ZNF507: variants seen among roughly 807,000 people sequenced by gnomAD.
ZNF507 encodes zinc finger protein 507.
In ZNF507, 29 loss-of-function variants were observed where a neutral mutation model predicts 80.0. The observed-to-expected ratio is 0.36, with a 90% confidence interval of 0.27 to 0.49. The LOEUF (loss-of-function observed/expected upper bound fraction) is 0.49. Ranked by LOEUF, ZNF507 falls within the 20% of genes least tolerant of loss-of-function variation. The pLI is 0.98. For synonymous variants in ZNF507, 462 were observed against 422.5 expected (o/e 1.09, Z -1.15); for missense variants, 1,081 against 1,152.2 (o/e 0.94, Z 0.90).
At chr19:32,358,021 T>C (rs1458627829) in intron 4 of ZNF507, 1 of 152,242 alleles carries the variant, frequency 6.6e-6, no homozygotes, top group African/African-American at 2.4e-5. Context: ...CTTCAGACTT[T>C]ACAGTATTAA....
rs145330706 is a variant in ZNF507 at position 32,378,194 on chromosome 19, A to G, written c.2361-4273A>G. Among the ~76,000 whole-genome samples, 1,343 of 152,090 alleles carry G rather than the reference A, an allele frequency of 8.8e-3. 47 individuals are homozygous for G. In the East Asian group the frequency reaches 0.09, roughly 10 times the overall value. On this transcript the variant is annotated intron_variant, in intron 5 of 6. Transcript: ENST00000355898. ...ATGACGAAACCCCATCTCTACTAAA[A>G]ATGCAAAAATTAGCCAGGCGTGGTG...
chr19:32,347,061 A>G (rs555139773), intron 1 of ZNF507, among the ~76,000 whole-genome samples, 184 bp from the exon 2 acceptor site: 2 of 152,328 alleles, frequency 1.3e-5, no homozygotes, highest in Non-Finnish European at 2.9e-5. Context: ...CAAAATCCTC[A>G]AGTCGGCTTG....
rs1346378167 is a variant in ZNF507 at position 32,354,841 on chromosome 19, T to G, written c.2011T>G (p.Cys671Gly). ...RVHRQRQPYQCPICEHIADNS... is the reference protein window; with the variant it reads ...RVHRQRQPYQGPICEHIADNS... ...CCATCGACAGAGACAGCCTTATCAG[T>G]GTCCTATCTGCGAGCACATAGCGGA... The change falls in exon 3 of 7, where the codon TGT becomes GGT. Residue 671 changes from cysteine to glycine, a missense_variant. Around this residue, in one of 6 missense-constraint regions of ZNF507, gnomAD observed 614 missense variants for 583.9 expected, o/e 1.05. Transcript: ENST00000355898. The G allele has an allele frequency of 6.2e-7, 1 of 1,614,212 alleles. No individual in the cohort carries two copies. Among genetic ancestry groups the G allele is most frequent in the African/African-American group, 1.3e-5 (1 of 75,054 alleles).
chr19:32,381,400 G>A (rs1336762383), intron 5 of ZNF507, among the ~76,000 whole-genome samples: 1 of 152,054 alleles, frequency 6.6e-6, no homozygotes, highest in Non-Finnish European at 1.5e-5. Flanking sequence ...AGGAGTTCAA[G>A]ACCAGCCTGG....
intron 5 of ZNF507, among the ~76,000 whole-genome samples, chr19:32,374,056 A>G (rs1217719375): frequency 6.6e-6 from 1 of 152,180 alleles, no homozygotes; most frequent in Non-Finnish European, 1.5e-5. Context: ...CACAGTTCGT[A>G]TTCCCATAGT....
At chr19:32,352,708 TCC>T in intron 2 of ZNF507, 119 bp from the exon 3 acceptor site, 3 of 852,298 alleles carry the variant, frequency 3.5e-6, no homozygotes, top group Non-Finnish European at 5.2e-6. Context: ...ACATGGAGCT[TCC>T]AGCTTAGAAA....
chr19:32,347,544 G>A (rs1967112408), intron 2 of ZNF507, among the ~76,000 whole-genome samples: 1 of 151,762 alleles, frequency 6.6e-6, no homozygotes. Context: ...GTGTATTAGA[G>A]AAAGCATGGT....
Position 32,354,483 on chromosome 19 carries a change from A to T in ZNF507, c.1653A>T (p.Ser551=). The T allele has an allele frequency of 1.9e-6, 3 of 1,614,208 alleles. No individual in the cohort carries two copies. Among genetic ancestry groups the T allele is most frequent in the Non-Finnish European group, 2.5e-6 (3 of 1,180,042 alleles). Residue 551 remains serine, a synonymous_variant, in exon 3 of 7, where the codon TCA becomes TCT. Coordinates refer to ENST00000355898, the MANE Select transcript of ZNF507 (RefSeq NM_001136156.2). ...SKMMSPLKNS[S]DGLTSLNQSN... ...TGATGTCGCCACTTAAAAACTCTTC[A>T]GATGGATTAACTAGTCTTAACCAAA...
intron 5 of ZNF507, among the ~76,000 whole-genome samples, chr19:32,371,978 A>G (rs1967480702): frequency 6.6e-6 from 1 of 152,276 alleles, no homozygotes; most frequent in East Asian, 1.9e-4. Context: ...GGGGGAAATG[A>G]ACTCTATCCT....
rs767742977 is a variant in ZNF507, at chr19:32,354,036, G to A, written c.1206G>A (p.Leu402=). 3.7e-6 allele frequency: 6 copies of A among 1,614,006 alleles called. No homozygotes were observed. The highest frequency in any genetic ancestry group is 2.7e-5 in the African/African-American group (2 of 74,904). ...KGHVNVIVER[L]PSAEETLSQK... ...ATGTTAACGTGATAGTGGAGCGATTGCCAAGTGCTGAAGAAACCCTTTCAC... is the reference window on the plus strand; with the variant it reads ...ATGTTAACGTGATAGTGGAGCGATTACCAAGTGCTGAAGAAACCCTTTCAC... The change falls in exon 3 of 7, where the codon TTG becomes TTA. Residue 402 remains leucine, a synonymous_variant. Transcript: ENST00000355898.
rs58546902 is a variant in ZNF507 at position 32,352,071 on chromosome 19, GA to G, written c.-2-745del. Among the ~76,000 whole-genome samples the G allele has an allele frequency of 8.7e-3, 1,181 of 136,250 alleles. 6 individuals carry two copies. Among genetic ancestry groups the G allele is most frequent in the Middle Eastern group, 0.035 (9 of 258 alleles). 89.4% of individuals were successfully genotyped at this position (136,250 alleles called of 152,430 possible). Reference sequence around the variant, plus strand: ...CTCTGATGTCCCTTACCCTTTCAGGGAAAAAAAAAAAAACCATATATGTGGA... The same window carrying G: ...CTCTGATGTCCCTTACCCTTTCAGGGAAAAAAAAAAAACCATATATGTGGA... On this transcript the variant is annotated intron_variant, in intron 2 of 6. Coordinates refer to ENST00000355898, the MANE Select transcript of ZNF507 (RefSeq NM_001136156.2).
In ZNF507 at chr19:32,385,731, C is replaced by T. The variant is rs1025088277; in HGVS notation, c.*2648C>T. 5 of 152,114 alleles carry T rather than the reference C, an allele frequency of 3.3e-5. No homozygotes were observed. Among genetic ancestry groups the T allele is most frequent in the African/African-American group, 1.2e-4 (5 of 41,410 alleles). The allele number at this position is 152,114 out of a possible 1,614,324, so 9.4% of individuals were successfully genotyped here. A position where few individuals can be genotyped will look rare whatever the true frequency, so the allele number is the denominator to read the frequency against. ...TTGGGAGGTTAAGGTGGGAGGATCA[C>T]TTGAGCCTGGGAGATAGAGGCTTGC... is the stretch of plus-strand genomic sequence containing the variant. On this transcript the variant is annotated 3_prime_UTR_variant, in exon 7 of 7. Transcript: ENST00000355898.
intron 5 of ZNF507, among the ~76,000 whole-genome samples, chr19:32,362,866 A>G (rs1049061328): frequency 2.6e-5 from 4 of 152,150 alleles, no homozygotes; most frequent in Non-Finnish European, 4.4e-5. Context: ...CAGTTTTGTC[A>G]TATCTCCCTC....
intron 2 of ZNF507, among the ~76,000 whole-genome samples, chr19:32,352,608 T>G (rs193076242): frequency 6.6e-6 from 1 of 151,812 alleles, no homozygotes; most frequent in African/African-American, 2.4e-5. Flanking sequence ...TAGAGGGGAG[T>G]ATCTTCATCA....
intron 5 of ZNF507, among the ~76,000 whole-genome samples, chr19:32,371,156 A>G (rs1208396522): frequency 6.6e-6 from 1 of 152,076 alleles, no homozygotes; most frequent in African/African-American, 2.4e-5. Flanking sequence ...TCTGGGTACT[A>G]CATGTACAGA....
chr19:32,381,750 T>A (rs1190029482), intron 5 of ZNF507, among the ~76,000 whole-genome samples: 1 of 152,168 alleles, frequency 6.6e-6, no homozygotes, highest in Non-Finnish European at 1.5e-5. Context: ...AGCACACTGA[T>A]GTTAATAATG....
rs77658545 is a variant in ZNF507, at chr19:32,363,691, G to A, written c.2360+3073G>A. On this transcript the variant is annotated intron_variant, in intron 5 of 6. Transcript: ENST00000355898. ...AACAGCCAGTAAGTGGTAGCTGGTA[G>A]TTACTGGGCCCAGCTTTTATCTTCT... 3.0e-3 allele frequency among the ~76,000 whole-genome samples: 456 copies of A among 152,354 alleles called. 13 individuals carry two copies. The East Asian group carries it at 0.076, about 25-fold the overall frequency.
At chr19:32,369,173 T>A (rs1444016754) in intron 5 of ZNF507, among the ~76,000 whole-genome samples, 1 of 152,208 alleles carries the variant, frequency 6.6e-6, no homozygotes, top group Non-Finnish European at 1.5e-5. Context: ...GAAGAAATCA[T>A]TTTTTATACA....
At chr19:32,382,387 A>C in intron 5 of ZNF507, 80 bp from the exon 6 acceptor site, 1 of 1,548,492 alleles carries the variant, frequency 6.5e-7, no homozygotes, top group East Asian at 2.3e-5. Context: ...AAGGGCTATA[A>C]TAATTGTTAC....
Sources: gnomAD v4.1 joint callset for allele counts (sites outside exome capture counted in the v4.1 genomes callset) on GRCh38, gnomAD v4.1.1 for gene constraint, gnomAD v4.1.1 regional missense constraint, MANE v1.5 for transcripts, NCBI Gene and HGNC (gene_info 2026-07-23, HGNC 2026-07-21) for gene names.